The following CCDC7 variants were observed in gnomAD, a reference collection of about 807,000 sequenced individuals.
CCDC7 encodes coiled-coil domain-containing protein 7.
CCDC7 carries 183 observed loss-of-function variants against 196.9 expected under a neutral mutation model. The observed-to-expected ratio is 0.93, with a 90% CI of 0.82 to 1.05. CCDC7 has a LOEUF of 1.05. Among genes scored for constraint, CCDC7 ranks in the 50% least tolerant of loss-of-function variants. CCDC7 has a pLI of 0.00. For synonymous variants in CCDC7, 525 were observed against 484.6 expected (o/e 1.08, Z -1.10); for missense variants, 1,540 against 1,482.2 (o/e 1.04, Z -0.64).
intron 16 of CCDC7, among the ~76,000 whole-genome samples, chr10:32,582,127 TA>T (rs2058795609): frequency 1.3e-5 from 1 of 77,756 alleles, no homozygotes; most frequent in Non-Finnish European, 2.7e-5. Flanking sequence ...TATATATATA[TA>T]TATATATATA....
chr10:32,472,402 C>G, intron 6 of CCDC7, 79 bp from the exon 8 acceptor site: 1 of 1,293,868 alleles, frequency 7.7e-7, no homozygotes, highest in Non-Finnish European at 1.0e-6. Context: ...CTGGACTTCA[C>G]ATTTTAGTTA....
Position 32,726,269 on chromosome 10 carries a change from A to T in CCDC7, c.2570-465A>T, listed in dbSNP as rs891444533. Among the ~76,000 whole-genome samples the T allele has an allele frequency of 2.0e-5, 3 of 152,022 alleles. No homozygotes were observed. The South Asian group carries it at 6.2e-4, about 32-fold the overall frequency. ...ATTTTTACATAATATGTATAGAATT[A>T]TATATAGTGATATGTAGAGTATTTA... On this transcript the variant is annotated intron_variant, in intron 25 of 41. Coordinates refer to ENST00000639629, the Ensembl canonical transcript of CCDC7.
intron 24 of CCDC7, among the ~76,000 whole-genome samples, chr10:32,696,962 T>G (rs922516459): frequency 6.6e-6 from 1 of 152,152 alleles, no homozygotes; most frequent in African/African-American, 2.4e-5. Flanking sequence ...AATTAACATT[T>G]TTTGCATGGA....
rs1189225763 is a variant in CCDC7, at chr10:32,589,848, T to G, written c.1801+5544T>G. On this transcript the variant is annotated intron_variant, in intron 18 of 41. Transcript: ENST00000639629. Reference sequence around the variant, plus strand: ...ATAGTTTTTATCTTGAAATGTATTGTGTCTGATATAAGTGTTGCTACTCCT... The same window carrying G: ...ATAGTTTTTATCTTGAAATGTATTGGGTCTGATATAAGTGTTGCTACTCCT... Among the ~76,000 whole-genome samples the G allele has an allele frequency of 2.6e-5, 4 of 152,166 alleles. No homozygotes were observed. The South Asian group carries it at 8.3e-4, about 32-fold the overall frequency.
intron 30 of CCDC7, among the ~76,000 whole-genome samples, chr10:32,809,973 G>A (rs1396528509): frequency 2.0e-5 from 3 of 151,982 alleles, no homozygotes; most frequent in Admixed American, 1.3e-4. Flanking sequence ...AACTGGGAAC[G>A]AACTCAAATG....
chr10:32,478,479 T>C (rs1428747242), intron 8 of CCDC7, among the ~76,000 whole-genome samples: 1 of 152,178 alleles, frequency 6.6e-6, no homozygotes, highest in Non-Finnish European at 1.5e-5. Context: ...GGAAGCTTAC[T>C]TCTATTTTAT....
At chr10:32,651,232 G>A (rs767078120) in intron 20 of CCDC7, among the ~76,000 whole-genome samples, 1 of 152,176 alleles carries the variant, frequency 6.6e-6, no homozygotes, top group Non-Finnish European at 1.5e-5. Flanking sequence ...CAGTCTCCCA[G>A]TCTCTTAACT....
exon 26 of CCDC7, chr10:32,726,825 G>A (rs1381015632): frequency 2.6e-6 from 4 of 1,565,686 alleles, no homozygotes; most frequent in Non-Finnish European, 3.5e-6. Context: ...GAAGGGAAAG[G>A]CGTAATAGTA....
intron 12 of CCDC7, 62 bp downstream of exon 13, chr10:32,543,447 C>G (rs1156545568): frequency 8.4e-7 from 1 of 1,193,938 alleles, no homozygotes; most frequent in Non-Finnish European, 1.1e-6. Context: ...TCTTTTTATA[C>G]AAACAATTTA....
intron 13 of CCDC7, among the ~76,000 whole-genome samples, chr10:32,562,390 T>C (rs1045419944): frequency 6.6e-6 from 1 of 152,110 alleles, no homozygotes; most frequent in East Asian, 1.9e-4. Context: ...AACATTGATG[T>C]AAAAATCCTC....
At chr10:32,469,617 T>C (rs981740720) in intron 5 of CCDC7, among the ~76,000 whole-genome samples, 1 of 152,166 alleles carries the variant, frequency 6.6e-6, no homozygotes, top group African/African-American at 2.4e-5. Flanking sequence ...TTGGAAAACT[T>C]CCCTAAGGGA....
intron 31 of CCDC7, 27 bp downstream of exon 32, chr10:32,814,480 G>T: frequency 6.7e-7 from 1 of 1,490,314 alleles, no homozygotes; most frequent in Non-Finnish European, 9.3e-7. Flanking sequence ...TACACATTTA[G>T]TATTTCTGGT....
intron 28 of CCDC7, among the ~76,000 whole-genome samples, chr10:32,767,372 T>C (rs1050070797): frequency 6.6e-6 from 1 of 152,170 alleles, no homozygotes; most frequent in African/African-American, 2.4e-5. Flanking sequence ...ATGAGATATA[T>C]TTCAGGGAGC....
chr10:32,814,378 A>G, exon 31 of CCDC7: 1 of 1,605,092 alleles, frequency 6.2e-7, no homozygotes, highest in Non-Finnish European at 8.5e-7. Context: ...AGGGCCTGAT[A>G]TAGAACAATT....
At chr10:32,881,847 G>A (rs1381444956), downstream of CCDC7, among the ~76,000 whole-genome samples, 1 of 152,042 alleles carries the variant, frequency 6.6e-6, no homozygotes, top group Non-Finnish European at 1.5e-5. Context: ...ATACAATCTC[G>A]CCTGTGAGAT....
At chr10:32,693,085 A>G (rs1413978) in intron 23 of CCDC7, among the ~76,000 whole-genome samples, 1 of 152,114 alleles carries the variant, frequency 6.6e-6, no homozygotes, top group African/African-American at 2.4e-5. Context: ...CATGTCCAAT[A>G]GTGAGGGTTT....
At chr10:32,775,406 A>G (rs565595092) in intron 28 of CCDC7, among the ~76,000 whole-genome samples, 1 of 152,334 alleles carries the variant, frequency 6.6e-6, no homozygotes, top group South Asian at 2.1e-4. Context: ...GAAAATAACC[A>G]GAGACTTTGC....
chr10:32,762,166 C>T (rs1244542430), intron 28 of CCDC7, among the ~76,000 whole-genome samples: 1 of 151,930 alleles, frequency 6.6e-6, no homozygotes, highest in Non-Finnish European at 1.5e-5. Context: ...TAGTGTTCCG[C>T]AACATTTACA....
chr10:32,718,884 C>T (rs1321317538), intron 25 of CCDC7, among the ~76,000 whole-genome samples: 2 of 151,904 alleles, frequency 1.3e-5, no homozygotes, highest in African/African-American at 4.8e-5. Flanking sequence ...AGAGATAAAC[C>T]AATGGATAAA....
Sources: allele counts gnomAD v4.1 joint callset (sites outside exome capture counted in the v4.1 genomes callset), GRCh38; gene constraint gnomAD v4.1.1; transcripts MANE v1.5; gene names NCBI Gene and HGNC (gene_info 2026-07-23, HGNC 2026-07-21).